The following RETREG1 variants were observed in gnomAD, a reference collection of about 807,000 sequenced individuals.
The protein encoded by RETREG1 is reticulophagy regulator 1.
RETREG1 carries 44 observed loss-of-function variants against 54.8 expected under a neutral mutation model. The observed-to-expected ratio is 0.80, with a 90% CI of 0.63 to 1.03. The LOEUF (loss-of-function observed/expected upper bound fraction) is 1.03, where lower values mean the gene tolerates loss of function less well. RETREG1 is among the 50% of genes least tolerant of loss of function. The probability of loss-of-function intolerance (pLI) is 0.00; values close to 1 mark genes in which losing one functional copy is unlikely to be tolerated. For synonymous variants in RETREG1, 217 were observed against 238.5 expected (o/e 0.91, Z 0.83); for missense variants, 554 against 605.1 (o/e 0.92, Z 0.89).
Position 16,594,594 on chromosome 5 carries a change from G to A in RETREG1, c.320+22058C>T, listed in dbSNP as rs1296750980. 2.0e-5 allele frequency among the ~76,000 whole-genome samples: 3 copies of A among 151,976 alleles called. No homozygotes were observed. The highest frequency in any genetic ancestry group is 6.6e-5 in the Admixed American group (1 of 15,248). ...ACAAAAATTAGCTGGGCGTGGTGGCGCATGTCTGTAGTCCCAGATACTCGG... is the reference window on the plus strand; with the variant it reads ...ACAAAAATTAGCTGGGCGTGGTGGCACATGTCTGTAGTCCCAGATACTCGG... On this transcript the variant is annotated intron_variant, in intron 1 of 8. Transcript: ENST00000306320. The surrounding 1 kb of genome is among the most constrained non-coding windows in gnomAD (Gnocchi z 4.4).
intron 3 of RETREG1, among the ~76,000 whole-genome samples, chr5:16,488,111 TAA>T (rs760237557): frequency 6.6e-6 from 1 of 152,158 alleles, no homozygotes; most frequent in Non-Finnish European, 1.5e-5. Context: ...TGTCTTACCT[TAA>T]GAGTCACTGT....
chr5:16,496,834 A>G (rs1292120085), intron 3 of RETREG1, among the ~76,000 whole-genome samples: 1 of 152,244 alleles, frequency 6.6e-6, no homozygotes, highest in Non-Finnish European at 1.5e-5. Context: ...GCCAGATAGT[A>G]GATATTTTTG....
chr5:16,527,000 C>T lies in RETREG1; in HGVS notation c.458+38763G>A, dbSNP rs74729618. Among the ~76,000 whole-genome samples the T allele has an allele frequency of 6.3e-3, 967 of 152,340 alleles. 7 individuals are homozygous for T. Among genetic ancestry groups the T allele is most frequent in the African/African-American group, 0.022 (929 of 41,580 alleles). On this transcript the variant is annotated intron_variant, in intron 3 of 8. Coordinates refer to ENST00000306320, the MANE Select transcript of RETREG1 (RefSeq NM_001034850.3). ...CAGGGGTGCGAAAGACTGGCCTCCT[C>T]GTGGCAATTTGGGACAACTCTGCAA...
At chr5:16,529,555 T>C (rs1252680603) in intron 3 of RETREG1, among the ~76,000 whole-genome samples, 3 of 152,210 alleles carry the variant, frequency 2.0e-5, no homozygotes, top group Non-Finnish European at 2.9e-5. Flanking sequence ...GCACTTGCTG[T>C]TAATGTGGTA....
chr5:16,531,424 C>T (rs1740912010), intron 3 of RETREG1, among the ~76,000 whole-genome samples: 1 of 152,008 alleles, frequency 6.6e-6, no homozygotes, highest in African/African-American at 2.4e-5. Context: ...GCAGGCCAGG[C>T]GTCAGGAGGG....
intron 3 of RETREG1, among the ~76,000 whole-genome samples, chr5:16,558,923 C>T (rs74784857): frequency 0.016 from 2,491 of 152,276 alleles, 45 homozygotes; most frequent in Middle Eastern, 0.034. Flanking sequence ...AAGTTCCATT[C>T]CTTAGAGGAG....
At chr5:16,513,979 T>G (rs1415319145) in intron 3 of RETREG1, among the ~76,000 whole-genome samples, 1 of 152,248 alleles carries the variant, frequency 6.6e-6, no homozygotes, top group Non-Finnish European at 1.5e-5. Flanking sequence ...TAGGACAGAC[T>G]AAACATATAA....
chr5:16,612,070 A>AAG (rs1743359733), intron 1 of RETREG1, among the ~76,000 whole-genome samples: 1 of 151,892 alleles, frequency 6.6e-6, no homozygotes, highest in African/African-American at 2.4e-5. Flanking sequence ...GTCTCAAAAA[A>AAG]AAAAAAAAAA....
At chr5:16,550,382 G>A (rs1355987933) in intron 3 of RETREG1, among the ~76,000 whole-genome samples, 1 of 152,102 alleles carries the variant, frequency 6.6e-6, no homozygotes, top group Admixed American at 6.5e-5. Context: ...GGTACTGATG[G>A]TGCCTAGAAT....
intron 3 of RETREG1, among the ~76,000 whole-genome samples, chr5:16,486,666 G>A (rs572281729): frequency 6.6e-6 from 1 of 152,280 alleles, no homozygotes; most frequent in African/African-American, 2.4e-5. Flanking sequence ...TTCAAAGGGT[G>A]AATACATTCA....
intron 1 of RETREG1, among the ~76,000 whole-genome samples, chr5:16,600,891 A>G (rs1743034122): frequency 6.6e-6 from 1 of 152,242 alleles, no homozygotes; most frequent in African/African-American, 2.4e-5. Flanking sequence ...AGGAAAAAAA[A>G]TCAAAAATGA....
At chr5:16,556,074 C>T (rs961474020) in intron 3 of RETREG1, among the ~76,000 whole-genome samples, 4 of 152,178 alleles carry the variant, frequency 2.6e-5, no homozygotes, top group Admixed American at 2.0e-4. Context: ...TCTGAAAACA[C>T]TGATAAAACC....
intron 1 of RETREG1, 23 bp downstream of exon 1, chr5:16,616,629 C>T (rs1022260815): frequency 1.9e-6 from 3 of 1,574,354 alleles, no homozygotes; most frequent in Non-Finnish European, 2.6e-6. Flanking sequence ...TCCTCAGCGC[C>T]CCCACCTTGC....
intron 3 of RETREG1, among the ~76,000 whole-genome samples, chr5:16,540,879 C>T (rs1465293165): frequency 1.3e-5 from 2 of 152,088 alleles, no homozygotes; most frequent in Non-Finnish European, 2.9e-5. Context: ...ACCATGGGGA[C>T]CGGGGAGTAG....
chr5:16,610,612 C>T (rs1561139221), intron 1 of RETREG1, among the ~76,000 whole-genome samples: 1 of 152,234 alleles, frequency 6.6e-6, no homozygotes, highest in Non-Finnish European at 1.5e-5. Context: ...TGAACAGACA[C>T]TTCTCAAAAG....
At chr5:16,475,358 TG>T in intron 8 of RETREG1, 124 bp from the exon 9 acceptor site, 3 of 1,025,344 alleles carry the variant, frequency 2.9e-6, no homozygotes, top group Non-Finnish European at 4.4e-6. Context: ...TCTAGCCTCC[TG>T]GGTCAACTTG....
At chr5:16,487,802 A>G (rs952202707) in intron 3 of RETREG1, among the ~76,000 whole-genome samples, 5 of 152,244 alleles carry the variant, frequency 3.3e-5, no homozygotes, top group Non-Finnish European at 7.3e-5. Flanking sequence ...ATGGCTCCTT[A>G]GATAAGCAAA....
intron 3 of RETREG1, among the ~76,000 whole-genome samples, chr5:16,516,656 T>A (rs1364379733): frequency 6.6e-6 from 1 of 152,226 alleles, no homozygotes; most frequent in Admixed American, 6.5e-5. Context: ...CTCCCACTCT[T>A]GCCTCTAGTG....
At chr5:16,496,047 G>A (rs1365122017) in intron 3 of RETREG1, among the ~76,000 whole-genome samples, 1 of 151,952 alleles carries the variant, frequency 6.6e-6, no homozygotes, top group Non-Finnish European at 1.5e-5. Flanking sequence ...TTTAATGACA[G>A]AAGTCAAACC....
Sources: allele counts gnomAD v4.1 joint callset (sites outside exome capture counted in the v4.1 genomes callset), GRCh38; gene constraint gnomAD v4.1.1; non-coding constraint Gnocchi (gnomAD v3.1); transcripts MANE v1.5; gene names NCBI Gene and HGNC (gene_info 2026-07-23, HGNC 2026-07-21).